The following HIP1 variants were observed in gnomAD, a reference collection of about 807,000 sequenced individuals.
The protein encoded by HIP1 is huntingtin interacting protein 1.
Under a neutral mutation model 147.6 loss-of-function variants are expected in HIP1, and 65 were observed. The ratio of observed to expected loss-of-function variants is 0.44; its 90% confidence interval spans 0.36 to 0.54. HIP1 has a LOEUF of 0.54. HIP1 is among the 20% of genes least tolerant of loss of function. The pLI, the probability that HIP1 is intolerant of heterozygous loss-of-function variation, is 0.00. For missense variants in HIP1, 1,061 were observed against 1,299.6 expected, an observed-to-expected ratio of 0.82 and a Z score of 2.82; for synonymous variants, 479 against 504.0, an observed-to-expected ratio of 0.95 and a Z score of 0.67.
At chr7:75,647,196 T>C (rs1301529239) in intron 1 of HIP1, among the ~76,000 whole-genome samples, 1 of 100,744 alleles carries the variant, frequency 9.9e-6, no homozygotes, top group African/African-American at 3.8e-5. Flanking sequence ...CGAAACCCCA[T>C]CTCTACTAAA....
chr7:75,574,026 T>A lies in HIP1; in HGVS notation c.605-125A>T, dbSNP rs1264190047. On this transcript the variant is annotated intron_variant, in intron 7 of 30. Transcript: ENST00000336926. ...GATTCTGTGCGTGCTTTACCTCATCTAATTCATTTAACCTTCACAACACTC... is the reference window on the plus strand; with the variant it reads ...GATTCTGTGCGTGCTTTACCTCATCAAATTCATTTAACCTTCACAACACTC... 1.4e-5 allele frequency: 10 copies of A among 703,472 alleles called. No homozygotes were observed. In the Admixed American group the frequency reaches 2.8e-4, roughly 20 times the overall value. The allele number at this position is 703,472 out of a possible 1,614,324, so 43.6% of individuals were successfully genotyped here.
chr7:75,632,998 G>A (rs1353332623), intron 1 of HIP1, among the ~76,000 whole-genome samples: 1 of 152,132 alleles, frequency 6.6e-6, no homozygotes, highest in Non-Finnish European at 1.5e-5. Context: ...GCACACTGGG[G>A]TCTGTCAGAG....
chr7:75,613,268 T>G (rs1486498749), intron 1 of HIP1, among the ~76,000 whole-genome samples: 2 of 152,056 alleles, frequency 1.3e-5, no homozygotes, highest in Non-Finnish European at 2.9e-5. Flanking sequence ...CAGGTGAGCC[T>G]GGGAGAGTAG....
At chr7:75,607,227 T>A (rs1211223787) in intron 1 of HIP1, among the ~76,000 whole-genome samples, 14 of 137,788 alleles carry the variant, frequency 1.0e-4, no homozygotes, top group Non-Finnish European at 2.0e-4. Context: ...AGTTGTTTTT[T>A]GTTTTGTTTT....
intron 1 of HIP1, among the ~76,000 whole-genome samples, chr7:75,699,954 G>C (rs536843519): frequency 6.6e-6 from 1 of 151,986 alleles, no homozygotes; most frequent in South Asian, 2.1e-4. Flanking sequence ...AGGCTCAAGC[G>C]ATCCTCCTGC....
intron 1 of HIP1, among the ~76,000 whole-genome samples, chr7:75,727,101 A>G (rs935520262): frequency 1.3e-5 from 2 of 151,168 alleles, no homozygotes; most frequent in African/African-American, 4.9e-5. Context: ...TTTTTTTTAA[A>G]TTAAGTTTGT....
Position 75,662,728 on chromosome 7 carries a change from A to G in HIP1, c.121-63481T>C, listed in dbSNP as rs183714664. Among the ~76,000 whole-genome samples the G allele has an allele frequency of 1.2e-4, 18 of 151,868 alleles. No individual in the cohort carries two copies. In the East Asian group the frequency reaches 3.1e-3, roughly 26 times the overall value. ...ACCATGTTGGTCAGTCTTGTCTCGA[A>G]CTCCTGACCTCAAATGATCCATCCT... On this transcript the variant is annotated intron_variant, in intron 1 of 30. Transcript: ENST00000336926.
chr7:75,628,049 C>T (rs1010162556), intron 1 of HIP1, among the ~76,000 whole-genome samples: 1 of 152,198 alleles, frequency 6.6e-6, no homozygotes, highest in African/African-American at 2.4e-5. Context: ...TTTCACAATT[C>T]TTATCCAAGC....
At position 75,562,278 on chromosome 7, in the gene HIP1, T is replaced by C. The variant is rs1293054005; in HGVS notation, c.1021-108A>G. The C allele has an allele frequency of 1.8e-5, 13 of 737,700 alleles. No homozygotes were observed. The African/African-American group carries it at 1.9e-4, about 11-fold the overall frequency. 45.7% of individuals were successfully genotyped at this position (737,700 alleles called of 1,614,324 possible). On this transcript the variant is annotated intron_variant, in intron 11 of 30. Transcript: ENST00000336926. ...TGCCCCCTTTCTCGAATTAAACGGTTCAGACCTGTTTAATTTTTTTAATTT... is the reference window on the plus strand; with the variant it reads ...TGCCCCCTTTCTCGAATTAAACGGTCCAGACCTGTTTAATTTTTTTAATTT...
At chr7:75,544,064 C>T (rs1215294222) in intron 27 of HIP1, among the ~76,000 whole-genome samples, 4 of 149,990 alleles carry the variant, frequency 2.7e-5, no homozygotes, top group Non-Finnish European at 5.9e-5. Context: ...CCCAGCTACT[C>T]GGGAGGCTGA....
chr7:75,568,521 G>A lies in HIP1; in HGVS notation c.746-265C>T, dbSNP rs1795497168. On this transcript the variant is annotated intron_variant, in intron 8 of 30. Transcript: ENST00000336926. The surrounding 1 kb of genome is among the most constrained non-coding windows in gnomAD (Gnocchi z 4.1). ...CAAGCCATGCCGGGCACAATAGGGT[G>A]GAAATTGTGTCCTGGACTAGAGAAG... Among the ~76,000 whole-genome samples the A allele has an allele frequency of 6.6e-6, 1 of 152,198 alleles. No homozygotes were observed. The highest frequency in any genetic ancestry group is 1.5e-5 in the Non-Finnish European group (1 of 68,042).
At chr7:75,548,860 C>A (rs781839095) in intron 23 of HIP1, 31 bp downstream of exon 23, 1 of 1,483,248 alleles carries the variant, frequency 6.7e-7, no homozygotes, top group Non-Finnish European at 9.4e-7. Context: ...GCAAAGGCAT[C>A]GTTTCAGGAG....
intron 14 of HIP1, among the ~76,000 whole-genome samples, 190 bp downstream of exon 14, chr7:75,559,533 GTGCCTCGCA>G (rs1795142504): frequency 7.2e-5 from 11 of 152,156 alleles, no homozygotes; most frequent in African/African-American, 7.2e-5. Flanking sequence ...GTGCTCAGCG[GTGCCTCGCA>G]CACAGCTTTG....
chr7:75,571,613 C>T lies in HIP1; in HGVS notation c.745+2148G>A, dbSNP rs1034301271. ...ATTTTATTTTTTTTAGGCACGGTCT[C>T]GTTCTGTTGCCCAGGCTGGAGTGCA... On this transcript the variant is annotated intron_variant, in intron 8 of 30. Transcript: ENST00000336926. Among the ~76,000 whole-genome samples the T allele has an allele frequency of 1.1e-3, 170 of 152,236 alleles. 2 individuals carry two copies. The highest frequency in any genetic ancestry group is 0.011 in the Admixed American group (167 of 15,272).
At chr7:75,694,675 A>AT (rs1554518595) in intron 1 of HIP1, among the ~76,000 whole-genome samples, 1 of 90,474 alleles carries the variant, frequency 1.1e-5, no homozygotes, top group African/African-American at 6.1e-5. Context: ...ACACCTGGCT[A>AT]CTTTTTTTTT....
chr7:75,657,574 A>G (rs1393518194), intron 1 of HIP1, among the ~76,000 whole-genome samples: 1 of 151,822 alleles, frequency 6.6e-6, no homozygotes, highest in Non-Finnish European at 1.5e-5. Context: ...GAACAATATC[A>G]TGTCCTTTGC....
chr7:75,724,234 T>C (rs1211953189), intron 1 of HIP1, among the ~76,000 whole-genome samples: 1 of 146,764 alleles, frequency 6.8e-6, no homozygotes, highest in Admixed American at 6.8e-5. Flanking sequence ...ATTACAGGCG[T>C]GAGCCACCGC....
At chr7:75,579,854 C>T (rs1554498280) in intron 7 of HIP1, among the ~76,000 whole-genome samples, 1 of 152,134 alleles carries the variant, frequency 6.6e-6, no homozygotes, top group Admixed American at 6.6e-5. Context: ...ACCAAGCTTG[C>T]GTATGGAGAC....
At chr7:75,662,615 C>G (rs782514387) in intron 1 of HIP1, among the ~76,000 whole-genome samples, 3 of 152,188 alleles carry the variant, frequency 2.0e-5, no homozygotes, top group Non-Finnish European at 4.4e-5. Context: ...AAGTGACTCT[C>G]CTGCCTCAAC....
Sources: gnomAD v4.1 joint callset for allele counts (sites outside exome capture counted in the v4.1 genomes callset) on GRCh38, gnomAD v4.1.1 for gene constraint, Gnocchi (gnomAD v3.1) non-coding constraint, MANE v1.5 for transcripts, NCBI Gene and HGNC (gene_info 2026-07-23, HGNC 2026-07-21) for gene names.